MYPN: variants seen among roughly 807,000 people sequenced by gnomAD.
MYPN encodes sarcomeric protein myopalladin, 145 kDa (MYOP).
A neutral mutation model predicts 129.4 loss-of-function variants in MYPN; 63 were observed. The ratio of observed to expected loss-of-function variants is 0.49; its 90% CI spans 0.40 to 0.60. The LOEUF is 0.60. Ranked by LOEUF, MYPN falls within the 20% of genes least tolerant of loss-of-function variation. MYPN has a pLI of 0.00. For synonymous variants in MYPN, 629 were observed against 600.9 expected (o/e 1.05, Z -0.68); for missense variants, 1,596 against 1,635.4 (o/e 0.98, Z 0.42).
chr10:68,147,757 C>T (rs2042693495), intron 4 of MYPN, among the ~76,000 whole-genome samples: 1 of 152,166 alleles, frequency 6.6e-6, no homozygotes, highest in Non-Finnish European at 1.5e-5. Flanking sequence ...CTGTCTCTTC[C>T]ACAACAAAAC....
At chr10:68,174,840 A>G (rs1021584309) in intron 11 of MYPN, among the ~76,000 whole-genome samples, 184 bp downstream of exon 11, 1 of 152,192 alleles carries the variant, frequency 6.6e-6, no homozygotes, top group African/African-American at 2.4e-5. Context: ...GATTATTAAT[A>G]ATTAAAATAT....
intron 1 of MYPN, among the ~76,000 whole-genome samples, chr10:68,096,454 C>T (rs1473013182): frequency 2.0e-5 from 3 of 152,018 alleles, no homozygotes; most frequent in Non-Finnish European, 4.4e-5. Context: ...CCCAGCTACT[C>T]GGGAGACTGA....
At chr10:68,123,419 G>A (rs2042277755) in intron 2 of MYPN, among the ~76,000 whole-genome samples, 2 of 146,492 alleles carry the variant, frequency 1.4e-5, no homozygotes, top group African/African-American at 2.5e-5. Flanking sequence ...GCTCACGCCT[G>A]CAATCCCAGC....
chr10:68,140,829 T>A (rs12768608), intron 2 of MYPN, among the ~76,000 whole-genome samples: 1 of 151,744 alleles, frequency 6.6e-6, no homozygotes, highest in Non-Finnish European at 1.5e-5. Flanking sequence ...TCCCAGCACT[T>A]TGGAAGGCCA....
At chr10:68,126,297 G>C (rs893596870) in intron 2 of MYPN, among the ~76,000 whole-genome samples, 2 of 152,194 alleles carry the variant, frequency 1.3e-5, no homozygotes, top group Non-Finnish European at 2.9e-5. Flanking sequence ...ATATAGCAGA[G>C]AGGACACTGA....
In MYPN at chr10:68,166,586, G is replaced by A. The variant is rs145440469; in HGVS notation, c.1893G>A (p.Arg631=). Reference sequence around the variant, plus strand: ...CCAGGCCCGATTCTTTCCAGGAGAGGTTCAACGGACAGGCAACAAAAACCC... The same window carrying A: ...CCAGGCCCGATTCTTTCCAGGAGAGATTCAACGGACAGGCAACAAAAACCC... ...RQTRPDSFQE[R]FNGQATKTPE... The change falls in exon 10 of 20, where the codon AGG becomes AGA. Residue 631 remains arginine, a synonymous_variant. Coordinates refer to ENST00000358913, the MANE Select transcript of MYPN (RefSeq NM_032578.4). 3.5e-4 allele frequency: 566 copies of A among 1,614,118 alleles called. 1 individual carries two copies. The African/African-American group carries it at 6.8e-3, about 19-fold the overall frequency.
chr10:68,102,612 T>C (rs2041987197), upstream of MYPN, among the ~76,000 whole-genome samples: 1 of 152,228 alleles, frequency 6.6e-6, no homozygotes, highest in Non-Finnish European at 1.5e-5. Flanking sequence ...TTTAAAAATA[T>C]GGCTCTATTG....
At position 68,199,389 on chromosome 10, in the gene MYPN, G is replaced by C; in HGVS notation, c.3307G>C (p.Glu1103Gln). 6.2e-7 allele frequency: 1 copy of C among 1,613,986 alleles called. No individual in the cohort carries two copies. Among genetic ancestry groups the C allele is most frequent in the South Asian group, 1.1e-5 (1 of 91,076 alleles). The change falls in exon 17 of 20, where the codon GAG becomes CAG. Residue 1103 changes from glutamate to glutamine, a missense_variant. Physicochemically the swap from Glu to Gln is conservative, Grantham distance 29. Transcript: ENST00000358913. ...DCKVSGLPPPELTWLLNGQPV... is the reference protein window; with the variant it reads ...DCKVSGLPPPQLTWLLNGQPV... The stretch of plus-strand genomic sequence containing the variant: ...TTAGGTGAGTGGTTTACCGCCCCCG[G>C]AGCTGACATGGCTACTCAATGGCCA...
chr10:68,167,647 C>T (rs1221820591), intron 10 of MYPN, among the ~76,000 whole-genome samples: 3 of 152,210 alleles, frequency 2.0e-5, no homozygotes, highest in African/African-American at 7.2e-5. Context: ...AGTCCCAGTG[C>T]ACCCACTGTG....
chr10:68,111,475 G>T (rs17456755), intron 1 of MYPN, among the ~76,000 whole-genome samples: 7 of 151,694 alleles, frequency 4.6e-5, no homozygotes, highest in African/African-American at 1.7e-4. Context: ...AAAATGAAAG[G>T]GTTTTCTTAA....
At chr10:68,157,670 CAAA>C (rs71009010) in intron 6 of MYPN, among the ~76,000 whole-genome samples, 10,360 of 84,772 alleles carry the variant, frequency 0.12, 420 homozygotes, top group African/African-American at 0.18. Context: ...CCTGTCTCTA[CAAA>C]AAAAAAAAAA....
At chr10:68,157,803 C>G (rs2042903503) in intron 6 of MYPN, among the ~76,000 whole-genome samples, 1 of 150,084 alleles carries the variant, frequency 6.7e-6, no homozygotes, top group Admixed American at 6.7e-5. Flanking sequence ...GATCACAACA[C>G]TGCACACCAG....
At chr10:68,209,545 C>T (rs2134351956) in intron 19 of MYPN, among the ~76,000 whole-genome samples, 1 of 152,196 alleles carries the variant, frequency 6.6e-6, no homozygotes, top group African/African-American at 2.4e-5. Context: ...TTTTGAGGTA[C>T]CCTCTTTGAG....
intron 1 of MYPN, among the ~76,000 whole-genome samples, chr10:68,097,295 C>T (rs566165310): frequency 6.6e-6 from 1 of 152,274 alleles, no homozygotes; most frequent in Non-Finnish European, 1.5e-5. Context: ...TTCTTGTTGT[C>T]AGCCTCGGGA....
rs1050710278 is a variant in MYPN at position 68,194,458 on chromosome 10, A to G, written c.3021A>G (p.Glu1007=). Residue 1007 remains glutamate (E), a synonymous_variant, in exon 14 of 20, where the codon GAA becomes GAG. Coordinates refer to ENST00000358913, the MANE Select transcript of MYPN (RefSeq NM_032578.4). ...EGDGTCSLHI[E]STTSDDDGNY... is the part of the protein sequence containing the mutation. ...ATGGGACATGCTCTCTGCACATTGA[A>G]TCCACTACCAGTGATGACGATGGCA... The G allele has an allele frequency of 1.9e-6, 3 of 1,613,854 alleles. No homozygotes were observed. The highest frequency in any genetic ancestry group is 2.7e-5 in the African/African-American group (2 of 74,936).
At chr10:68,183,355 G>A (rs976706487) in intron 12 of MYPN, among the ~76,000 whole-genome samples, 1 of 152,122 alleles carries the variant, frequency 6.6e-6, no homozygotes, top group East Asian at 1.9e-4. Context: ...CCAGCTATTC[G>A]GGAGGCTGAG....
At chr10:68,165,591 TA>T (rs1207988208) in intron 8 of MYPN, 110 bp from the exon 9 acceptor site, 5 of 862,028 alleles carry the variant, frequency 5.8e-6, no homozygotes, top group Admixed American at 5.5e-5. Flanking sequence ...AAAGAATTAA[TA>T]TAGCCAGCTT....
intron 1 of MYPN, among the ~76,000 whole-genome samples, chr10:68,091,537 G>T (rs969189807): frequency 2.0e-5 from 3 of 151,344 alleles, no homozygotes; most frequent in Non-Finnish European, 2.9e-5. Flanking sequence ...TAGGGCTACA[G>T]GTGCCTGCCA....
In MYPN at chr10:68,174,142, TCTC is replaced by T; in HGVS notation, c.2053_2055del (p.Pro685del). ...CCAATTGCAAAACCCACCTCCTTCATCTCCTAAGGAGTTTCCTTTCAGCATGAC... is the reference window on the plus strand; with the variant it reads ...CCAATTGCAAAACCCACCTCCTTCATCTAAGGAGTTTCCTTTCAGCATGAC... On this transcript the variant is annotated inframe_deletion, in exon 11 of 20. Coordinates refer to ENST00000358913, the MANE Select transcript of MYPN (RefSeq NM_032578.4). 1 of 1,613,932 alleles carries T rather than the reference TCTC, an allele frequency of 6.2e-7. No homozygotes were observed. Among genetic ancestry groups the T allele is most frequent in the Non-Finnish European group, 8.5e-7 (1 of 1,179,888 alleles).
Sources: gnomAD v4.1 joint callset for allele counts (sites outside exome capture counted in the v4.1 genomes callset) on GRCh38, gnomAD v4.1.1 for gene constraint, MANE v1.5 for transcripts, NCBI Gene and HGNC (gene_info 2026-07-23, HGNC 2026-07-21) for gene names.